NXPE4: variants seen among roughly 807,000 people sequenced by gnomAD.
NXPE4 encodes NXPE family member 4.
Under a neutral mutation model 33.3 loss-of-function variants are expected in NXPE4, and 42 were observed. That is an observed-to-expected ratio of 1.26 (90% CI 0.98 to 1.63). NXPE4 has a LOEUF of 1.63. Ranked by LOEUF, NXPE4 falls within the 40% of genes most tolerant of loss-of-function variation. The pLI is 0.00. For synonymous variants in NXPE4, 253 were observed against 234.9 expected (o/e 1.08, Z -0.71); for missense variants, 709 against 647.6 (o/e 1.09, Z -1.03).
At chr11:114,601,684 TTA>T in the NXPE4 span, among the ~76,000 whole-genome samples, 3 of 30,870 alleles carry the variant, frequency 9.7e-5, no homozygotes, top group Non-Finnish European at 1.0e-4. Flanking sequence ...TAATTATAGA[TTA>T]TATATATTTA....
the NXPE4 span, among the ~76,000 whole-genome samples, chr11:114,610,907 C>A: frequency 6.6e-6 from 1 of 151,734 alleles, no homozygotes; most frequent in Non-Finnish European, 1.5e-5. Context: ...TCAATGGTAC[C>A]TGGTGGATAA....
intron 5 of NXPE4, among the ~76,000 whole-genome samples, chr11:114,571,958 A>G (rs1256465804): frequency 6.6e-6 from 1 of 152,208 alleles, no homozygotes; most frequent in Non-Finnish European, 1.5e-5. Context: ...AAACCAGCAC[A>G]CTAAACAAAA....
chr11:114,648,033 T>G, the NXPE4 span, among the ~76,000 whole-genome samples: 1 of 152,144 alleles, frequency 6.6e-6, no homozygotes, highest in Non-Finnish European at 1.5e-5. Flanking sequence ...AGATTTTAGT[T>G]TTGTTAATAT....
At chr11:114,617,898 G>A in the NXPE4 span, among the ~76,000 whole-genome samples, 2 of 152,030 alleles carry the variant, frequency 1.3e-5, no homozygotes, top group Admixed American at 6.6e-5. Flanking sequence ...CGGATAATAA[G>A]TATTGCCTCA....
chr11:114,667,526 C>A, the NXPE4 span, among the ~76,000 whole-genome samples: 5 of 152,244 alleles, frequency 3.3e-5, no homozygotes, highest in Non-Finnish European at 7.4e-5. Flanking sequence ...TGTCTTGCTT[C>A]TAACAAATAT....
the NXPE4 span, among the ~76,000 whole-genome samples, chr11:114,663,630 T>TATC: frequency 0.12 from 12,898 of 109,298 alleles, 679 homozygotes; most frequent in East Asian, 0.2. Flanking sequence ...TCTATCTATC[T>TATC]ATCTATCATC....
rs1184157737 is a variant in NXPE4, at chr11:114,582,596, C to T, written c.522G>A (p.Gln174=). Residue 174 remains glutamine, a synonymous_variant, in exon 3 of 6, where the codon CAG becomes CAA. Transcript: ENST00000375478. ...LVSFTLFWEG[Q]VSLSLLLIHP... is the part of the protein sequence containing the mutation. ...GGATGAGCAGCAGAGACAGAGAGAC[C>T]TGGCCCTCCCAGAACAGAGTGAAGC... 1 of 1,614,040 alleles carries T rather than the reference C, an allele frequency of 6.2e-7. No homozygotes were observed. Among genetic ancestry groups the T allele is most frequent in the Non-Finnish European group, 8.5e-7 (1 of 1,180,008 alleles).
the NXPE4 span, among the ~76,000 whole-genome samples, chr11:114,607,723 C>T: frequency 6.6e-6 from 1 of 151,964 alleles, no homozygotes; most frequent in Non-Finnish European, 1.5e-5. Flanking sequence ...ATTGTTGCCT[C>T]GTGGGTAACC....
In NXPE4 at chr11:114,570,696, G is replaced by A; in HGVS notation, c.*242C>T. The A allele has an allele frequency of 3.1e-6, 1 of 322,468 alleles. No individual in the cohort carries two copies. The highest frequency in any genetic ancestry group is 5.6e-6 in the Non-Finnish European group (1 of 178,666). 20.0% of individuals were successfully genotyped at this position (322,468 alleles called of 1,614,324 possible). On this transcript the variant is annotated 3_prime_UTR_variant, in exon 6 of 6. Transcript: ENST00000375478. ...GTCTTGACTTCCCATTGGTGAAGAG[G>A]GGTATGGCTCTGATCAAGAAGGGTA...
At chr11:114,641,526 T>G in the NXPE4 span, among the ~76,000 whole-genome samples, 1 of 152,060 alleles carries the variant, frequency 6.6e-6, no homozygotes, top group Non-Finnish European at 1.5e-5. Flanking sequence ...GAGGGAAATA[T>G]GTAACTGTAC....
chr11:114,637,724 G>A, the NXPE4 span, among the ~76,000 whole-genome samples: 1 of 151,146 alleles, frequency 6.6e-6, no homozygotes, highest in East Asian at 1.9e-4. Context: ...CACTTATGAA[G>A]CTTAGTTTGG....
At chr11:114,637,176 G>A in the NXPE4 span, among the ~76,000 whole-genome samples, 1 of 151,900 alleles carries the variant, frequency 6.6e-6, no homozygotes, top group Non-Finnish European at 1.5e-5. Flanking sequence ...ATTTAGGATA[G>A]TTAGCTCTTC....
intron 4 of NXPE4, 41 bp from the exon 5 acceptor site, chr11:114,580,379 A>T (rs201056320): frequency 6.4e-7 from 1 of 1,561,804 alleles, no homozygotes; most frequent in African/African-American, 1.4e-5. Context: ...CAAAACATCA[A>T]ATTACCCGTC....
upstream of NXPE4, among the ~76,000 whole-genome samples, chr11:114,598,805 T>A (rs113216299): frequency 2.6e-5 from 4 of 151,564 alleles, no homozygotes; most frequent in African/African-American, 9.7e-5. Context: ...TGGGAGAGGC[T>A]TCCACAAAGT....
upstream of NXPE4, among the ~76,000 whole-genome samples, chr11:114,600,549 A>G (rs994838815): frequency 6.6e-6 from 1 of 152,126 alleles, no homozygotes; most frequent in African/African-American, 2.4e-5. Context: ...AAATTGAGTG[A>G]CGTTCTACAA....
the NXPE4 span, among the ~76,000 whole-genome samples, chr11:114,631,790 T>A: frequency 6.6e-6 from 1 of 151,812 alleles, no homozygotes; most frequent in South Asian, 2.1e-4. Context: ...GAGTAATCAC[T>A]GTTACCCAGT....
At chr11:114,634,503 A>C in the NXPE4 span, among the ~76,000 whole-genome samples, 2 of 151,950 alleles carry the variant, frequency 1.3e-5, no homozygotes, top group Non-Finnish European at 2.9e-5. Flanking sequence ...TTTTGTTGCT[A>C]TTGCTTTTGG....
At chr11:114,621,490 T>C in the NXPE4 span, among the ~76,000 whole-genome samples, 3 of 152,326 alleles carry the variant, frequency 2.0e-5, no homozygotes, top group African/African-American at 4.8e-5. Context: ...TAACCTCTAT[T>C]ACTCATTGGA....
chr11:114,676,896 A>G, the NXPE4 span, among the ~76,000 whole-genome samples: 2 of 152,066 alleles, frequency 1.3e-5, no homozygotes, highest in South Asian at 4.1e-4. Flanking sequence ...AAATTGTGTC[A>G]TATATACACA....
Sources: allele counts gnomAD v4.1 joint callset (sites outside exome capture counted in the v4.1 genomes callset), GRCh38; gene constraint gnomAD v4.1.1; transcripts MANE v1.5; gene names NCBI Gene and HGNC (gene_info 2026-07-23, HGNC 2026-07-21).